The following PSEN1 variants were observed in gnomAD, a reference collection of about 807,000 sequenced individuals.
PSEN1 encodes the protein presenilin-1.
In PSEN1, 15 loss-of-function variants were observed where a neutral mutation model predicts 53.5. The observed-to-expected ratio is 0.28, with a 90% confidence interval of 0.19 to 0.43. PSEN1 has a LOEUF of 0.43. Among genes scored for constraint, PSEN1 ranks in the 20% least tolerant of loss-of-function variants. The pLI is 1.00. For synonymous variants in PSEN1, 208 were observed against 209.8 expected (o/e 0.99, Z 0.08); for missense variants, 387 against 571.2 (o/e 0.68, Z 3.29).
At chr14:73,164,656 G>A (rs1897653310) in intron 3 of PSEN1, among the ~76,000 whole-genome samples, 1 of 151,142 alleles carries the variant, frequency 6.6e-6, no homozygotes, top group East Asian at 1.9e-4. Context: ...AATCCTGGTA[G>A]TCTGACCCCA....
At chr14:73,207,843 C>T (rs960061590) in intron 9 of PSEN1, among the ~76,000 whole-genome samples, 3 of 152,214 alleles carry the variant, frequency 2.0e-5, no homozygotes, top group African/African-American at 7.2e-5. Flanking sequence ...AGTGCAGGGT[C>T]CAGCCACTGC....
At chr14:73,181,423 G>T (rs1458027719) in intron 5 of PSEN1, among the ~76,000 whole-genome samples, 1 of 152,092 alleles carries the variant, frequency 6.6e-6, no homozygotes, top group Non-Finnish European at 1.5e-5. Flanking sequence ...GGCAACAAGA[G>T]CAAAACTCCA....
intron 9 of PSEN1, among the ~76,000 whole-genome samples, chr14:73,211,441 T>A (rs1594754158): frequency 6.6e-6 from 1 of 152,218 alleles, no homozygotes; most frequent in Non-Finnish European, 1.5e-5. Flanking sequence ...ACTCATAGGT[T>A]CATACCAAGT....
At chr14:73,180,866 T>C (rs1489643225) in intron 5 of PSEN1, among the ~76,000 whole-genome samples, 2 of 152,238 alleles carry the variant, frequency 1.3e-5, no homozygotes, top group African/African-American at 4.8e-5. Flanking sequence ...ATATTGACTT[T>C]GTCAAGATTA....
rs1284014358 is a variant in PSEN1 at position 73,212,646 on chromosome 14, AAATC to A, written c.1129+707_1129+710del. On this transcript the variant is annotated intron_variant, in intron 10 of 11. Transcript: ENST00000324501. ...CAAGTGCTATATTTTATTTTAAAGA[AAATC>A]AAAGGGATTTAGGATATTGGCAGAA... Among the ~76,000 whole-genome samples, 5 of 152,332 alleles carry A rather than the reference AAATC, an allele frequency of 3.3e-5. No individual in the cohort carries two copies. The East Asian group carries it at 9.6e-4, about 29-fold the overall frequency.
At chr14:73,184,385 G>T (rs1227914006) in intron 5 of PSEN1, among the ~76,000 whole-genome samples, 1 of 105,398 alleles carries the variant, frequency 9.5e-6, no homozygotes, top group Non-Finnish European at 2.1e-5. Flanking sequence ...CTGGCCGGGC[G>T]GGGGGCTGAC....
chr14:73,168,043 C>T (rs952420705), intron 3 of PSEN1: 1 of 152,102 alleles, frequency 6.6e-6, no homozygotes, highest in African/African-American at 2.4e-5. Flanking sequence ...TGCCATGCCC[C>T]TATCCTGTGC....
intron 10 of PSEN1, among the ~76,000 whole-genome samples, chr14:73,216,376 T>C (rs956606781): frequency 2.0e-5 from 3 of 152,184 alleles, no homozygotes; most frequent in African/African-American, 7.2e-5. Context: ...TCTCTATATA[T>C]AGTTGTACAG....
At chr14:73,212,427 G>A (rs573045170) in intron 10 of PSEN1, among the ~76,000 whole-genome samples, 2 of 151,984 alleles carry the variant, frequency 1.3e-5, no homozygotes, top group Non-Finnish European at 2.9e-5. Flanking sequence ...GACTTTTTAA[G>A]TTGGCATTTT....
At chr14:73,167,149 AG>A (rs1897742280) in intron 3 of PSEN1, among the ~76,000 whole-genome samples, 9 of 12,412 alleles carry the variant, frequency 7.3e-4, no homozygotes, top group Non-Finnish European at 1.1e-3. Context: ...ATATGGTACC[AG>A]CAGCACCTGA....
At chr14:73,154,051 T>C (rs374964495) in intron 3 of PSEN1, among the ~76,000 whole-genome samples, 4 of 152,264 alleles carry the variant, frequency 2.6e-5, no homozygotes, top group Admixed American at 6.5e-5. Context: ...TGAAAAAATG[T>C]ATTTTAAGTA....
At chr14:73,180,213 G>C (rs1898168847) in intron 5 of PSEN1, among the ~76,000 whole-genome samples, 1 of 152,132 alleles carries the variant, frequency 6.6e-6, no homozygotes, top group Non-Finnish European at 1.5e-5. Context: ...TCGAACTTCT[G>C]ACCTCAGGTG....
chr14:73,192,051 G>A (rs1252629220), intron 6 of PSEN1, among the ~76,000 whole-genome samples: 1 of 151,956 alleles, frequency 6.6e-6, no homozygotes, highest in African/African-American at 2.4e-5. Flanking sequence ...CTGTGCAACT[G>A]GTTTCCCATT....
chr14:73,208,889 A>G, intron 9 of PSEN1: 1 of 454,934 alleles, frequency 2.2e-6, no homozygotes, highest in Non-Finnish European at 4.4e-6. Context: ...CAGGCTGTTC[A>G]TGCCAAAGGG....
chr14:73,140,367 C>T (rs1187991384), intron 1 of PSEN1, among the ~76,000 whole-genome samples: 1 of 151,832 alleles, frequency 6.6e-6, no homozygotes, highest in African/African-American at 2.4e-5. Flanking sequence ...TGTGCCACCA[C>T]ACTGGGCTAA....
chr14:73,160,233 A>G (rs1897488619), intron 3 of PSEN1: 1 of 155,828 alleles, frequency 6.4e-6, no homozygotes, highest in East Asian at 1.9e-4. Flanking sequence ...GCATGTGACA[A>G]GATTTCCTTT....
At chr14:73,158,327 TCTATCTA>T in intron 3 of PSEN1, among the ~76,000 whole-genome samples, 2 of 151,272 alleles carry the variant, frequency 1.3e-5, no homozygotes, top group African/African-American at 2.4e-5. Context: ...TATCTATCTA[TCTATCTA>T]TTTTTAAGAC....
rs1038825830 is a variant in PSEN1 at position 73,223,135 on chromosome 14, G to A, written c.*3846G>A. The A allele has an allele frequency of 6.6e-6, 1 of 152,236 alleles. No individual in the cohort carries two copies. Among genetic ancestry groups the A allele is most frequent in the African/African-American group, 2.4e-5 (1 of 41,444 alleles). The allele number at this position is 152,236 out of a possible 1,614,324, so 9.4% of individuals were successfully genotyped here. A position where few individuals can be genotyped will look rare whatever the true frequency, so the allele number is the denominator to read the frequency against. On this transcript the variant is annotated 3_prime_UTR_variant, in exon 12 of 12. Coordinates refer to ENST00000324501, the MANE Select transcript of PSEN1 (RefSeq NM_000021.4). The stretch of plus-strand genomic sequence containing the variant: ...AAGCTGTCATCGGGCTCACAGCTCA[G>A]AGACATCTGCATGTGATCATCTGCA...
chr14:73,155,796 T>C (rs886578149), intron 3 of PSEN1, among the ~76,000 whole-genome samples: 1 of 152,152 alleles, frequency 6.6e-6, no homozygotes, highest in Non-Finnish European at 1.5e-5. Flanking sequence ...ACAGATTTTT[T>C]AGGGCAGTGA....
Sources: allele counts gnomAD v4.1 joint callset (sites outside exome capture counted in the v4.1 genomes callset), GRCh38; gene constraint gnomAD v4.1.1; transcripts MANE v1.5; gene names NCBI Gene and HGNC (gene_info 2026-07-23, HGNC 2026-07-21).